DLG2: variants seen among roughly 807,000 people sequenced by gnomAD.
DLG2 encodes the protein disks large homolog 2.
DLG2 carries 45 observed loss-of-function variants against 132.5 expected under a neutral mutation model. The observed-to-expected ratio is 0.34, with a 90% CI of 0.27 to 0.44. The LOEUF (loss-of-function observed/expected upper bound fraction) is 0.44, where lower values mean the gene tolerates loss of function less well. Among genes scored for constraint, DLG2 ranks in the 20% least tolerant of loss-of-function variants. DLG2 has a pLI of 1.00. For missense variants in DLG2, 1,045 were observed against 1,196.9 expected (o/e 0.87, Z 1.87); for synonymous variants, 424 against 419.6 (o/e 1.01, Z -0.13).
intron 16 of DLG2, among the ~76,000 whole-genome samples, chr11:83,848,457 T>C (rs2059062740): frequency 6.6e-6 from 1 of 152,220 alleles, no homozygotes; most frequent in African/African-American, 2.4e-5. Flanking sequence ...ATCATTATTT[T>C]CTCCCAGAAT....
In DLG2 at chr11:83,600,831, G is replaced by A. The variant is rs183525094; in HGVS notation, c.1940+32380C>T. On this transcript the variant is annotated intron_variant, in intron 19 of 27. Transcript: ENST00000376104. ...ATAACAGAGGCTGCAAACAGACTTT[G>A]CCTCACATGCCAAAGCAGATGGTGT... 3.3e-5 allele frequency among the ~76,000 whole-genome samples: 5 copies of A among 152,354 alleles called. No individual in the cohort carries two copies. In the East Asian group the frequency reaches 7.7e-4, roughly 24 times the overall value.
intron 3 of DLG2, among the ~76,000 whole-genome samples, chr11:85,534,738 G>T (rs116493975): frequency 6.6e-6 from 1 of 152,094 alleles, no homozygotes; most frequent in Non-Finnish European, 1.5e-5. Flanking sequence ...GTATTCCATC[G>T]TTGATGAGCA....
chr11:83,538,109 A>G (rs79374204), intron 20 of DLG2, among the ~76,000 whole-genome samples: 3,286 of 152,308 alleles, frequency 0.022, 121 homozygotes, highest in African/African-American at 0.073. Flanking sequence ...TGTTTAGCAC[A>G]ATGTCTGATC....
At chr11:84,418,297 C>T (rs2098936754) in intron 7 of DLG2, among the ~76,000 whole-genome samples, 1 of 152,086 alleles carries the variant, frequency 6.6e-6, no homozygotes, top group Non-Finnish European at 1.5e-5. Flanking sequence ...TCTATGAACA[C>T]ATAGGGGCTG....
At chr11:83,518,143 C>T (rs2095359133) in intron 21 of DLG2, among the ~76,000 whole-genome samples, 1 of 152,224 alleles carries the variant, frequency 6.6e-6, no homozygotes, top group Admixed American at 6.5e-5. Flanking sequence ...GGCAGGCAGG[C>T]CTCCTTGAGC....
intron 4 of DLG2, among the ~76,000 whole-genome samples, chr11:85,174,498 C>G (rs762084440): frequency 3.9e-5 from 6 of 152,052 alleles, no homozygotes; most frequent in Non-Finnish European, 7.4e-5. Flanking sequence ...GCACTAAATG[C>G]CACATTAAAA....
At position 83,755,514 on chromosome 11, in the gene DLG2, A is replaced by C. The variant is rs551167114; in HGVS notation, c.1825+31176T>G. 1.1e-3 allele frequency among the ~76,000 whole-genome samples: 169 copies of C among 151,484 alleles called. 6 individuals carry two copies. The highest frequency in any genetic ancestry group is 4.0e-3 in the African/African-American group (165 of 40,828). ...TCATTAACAAAGGGTAAATATAGGA[A>C]TGTTTTATTACTTTCCCAGACTCAA... is the stretch of plus-strand genomic sequence containing the variant. On this transcript the variant is annotated intron_variant, in intron 18 of 27. Coordinates refer to ENST00000376104, the MANE Select transcript of DLG2 (RefSeq NM_001142699.3).
intron 11 of DLG2, among the ~76,000 whole-genome samples, chr11:84,031,893 C>T (rs1158897941): frequency 2.0e-5 from 3 of 152,006 alleles, no homozygotes; most frequent in South Asian, 4.1e-4. Context: ...TGGTAATTCT[C>T]ATAGTATTTC....
At chr11:83,738,294 T>A (rs1289137490) in intron 18 of DLG2, among the ~76,000 whole-genome samples, 3 of 152,250 alleles carry the variant, frequency 2.0e-5, no homozygotes, top group Non-Finnish European at 4.4e-5. Context: ...TTTACCAATT[T>A]AGGCTTCTGG....
chr11:83,660,884 T>G (rs2074083926), intron 18 of DLG2, among the ~76,000 whole-genome samples: 1 of 152,096 alleles, frequency 6.6e-6, no homozygotes, highest in African/African-American at 2.4e-5. Flanking sequence ...ATATGTACAC[T>G]TCTTCTTCTG....
chr11:83,711,061 C>T (rs539256896), intron 18 of DLG2, among the ~76,000 whole-genome samples: 20 of 152,280 alleles, frequency 1.3e-4, no homozygotes, highest in South Asian at 2.1e-4. Flanking sequence ...TTCCACATAA[C>T]TAGATCCTGA....
intron 6 of DLG2, among the ~76,000 whole-genome samples, chr11:84,922,175 T>TAAAAAA (rs111271156): frequency 7.1e-6 from 1 of 141,040 alleles, no homozygotes. Flanking sequence ...ATATTGACTT[T>TAAAAAA]AAAAAAAAAA....
At chr11:84,500,794 G>A (rs1197471174) in intron 7 of DLG2, among the ~76,000 whole-genome samples, 1 of 152,164 alleles carries the variant, frequency 6.6e-6, no homozygotes. Context: ...TCCCAACACA[G>A]TGTAGTATAA....
intron 18 of DLG2, among the ~76,000 whole-genome samples, chr11:83,700,250 CCT>C: frequency 6.6e-6 from 1 of 152,210 alleles, no homozygotes; most frequent in Non-Finnish European, 1.5e-5. Context: ...TGAAGATTAT[CCT>C]CTCTTTTTGA....
chr11:84,576,065 T>A (rs942753721), intron 6 of DLG2, among the ~76,000 whole-genome samples: 1 of 152,188 alleles, frequency 6.6e-6, no homozygotes, highest in African/African-American at 2.4e-5. Context: ...TTGTTTGAGA[T>A]GTCGCTTTTT....
intron 6 of DLG2, among the ~76,000 whole-genome samples, chr11:84,775,476 C>G (rs758323398): frequency 2.0e-5 from 3 of 152,032 alleles, no homozygotes; most frequent in Non-Finnish European, 4.4e-5. Flanking sequence ...CATGTGTGTT[C>G]ATTGCAGCAC....
At chr11:84,334,749 T>C (rs2098476025) in intron 7 of DLG2, among the ~76,000 whole-genome samples, 1 of 152,154 alleles carries the variant, frequency 6.6e-6, no homozygotes, top group Non-Finnish European at 1.5e-5. Flanking sequence ...CGACCTTGAA[T>C]AAATAACCTC....
intron 14 of DLG2, among the ~76,000 whole-genome samples, chr11:83,953,980 A>C (rs893686365): frequency 6.6e-6 from 1 of 152,230 alleles, no homozygotes; most frequent in African/African-American, 2.4e-5. Context: ...ATGTAATGCA[A>C]CATTGATTAA....
intron 8 of DLG2, among the ~76,000 whole-genome samples, chr11:84,185,637 C>T (rs2096261474): frequency 1.3e-5 from 2 of 152,106 alleles, no homozygotes; most frequent in Admixed American, 1.3e-4. Context: ...AGAGGGCATC[C>T]CTGTCTTGTG....
Sources: allele counts gnomAD v4.1 joint callset (sites outside exome capture counted in the v4.1 genomes callset), GRCh38; gene constraint gnomAD v4.1.1; transcripts MANE v1.5; gene names NCBI Gene and HGNC (gene_info 2026-07-23, HGNC 2026-07-21).